The following ZFX variants were observed in gnomAD, a reference collection of about 807,000 sequenced individuals.
ZFX encodes the protein zinc finger protein X-linked.
For missense variants in ZFX, 362 were observed against 628.3 expected, an observed-to-expected ratio of 0.58 and a Z score of 4.53; for synonymous variants, 196 against 226.8, an observed-to-expected ratio of 0.86 and a Z score of 1.22.
chrX:24,193,773 TTTAA>T (rs1292729754), intron 5 of ZFX, among the ~76,000 whole-genome samples: 1 of 112,037 alleles, frequency 8.9e-6, no homozygotes, highest in Non-Finnish European at 1.9e-5. Context: ...GGCAAAAGCT[TTTAA>T]TTTAGTTTTT....
Position 24,208,888 on chromosome X carries a change from A to G in ZFX, c.1094-12A>G, listed in dbSNP as rs753633765. The G allele has an allele frequency of 1.7e-6, 2 of 1,207,333 alleles. No individual in the cohort carries two copies. The highest frequency in any genetic ancestry group is 2.2e-6 in the Non-Finnish European group (2 of 893,326). On this transcript the variant is annotated splice_polypyrimidine_tract_variant and intron_variant, in intron 8 of 9. Coordinates refer to ENST00000304543, the MANE Select transcript of ZFX (RefSeq NM_003410.4). ...ATACTGTATAATTTTGTTTTTTAAT[A>G]CACATTGTTAGGTAATAATTCTGAT...
chrX:24,176,154 C>T (rs1291752690), intron 4 of ZFX, among the ~76,000 whole-genome samples: 1 of 107,615 alleles, frequency 9.3e-6, no homozygotes. Context: ...ATTCTCCTGC[C>T]TCAGCCTCCT....
At chrX:24,196,516 A>G (rs1046561568) in intron 5 of ZFX, among the ~76,000 whole-genome samples, 6 of 112,727 alleles carry the variant, frequency 5.3e-5, no homozygotes, top group African/African-American at 1.9e-4. Flanking sequence ...CAGCATAACC[A>G]TTGATCACTT....
chrX:24,156,312 C>T (rs1437223220), intron 3 of ZFX, among the ~76,000 whole-genome samples: 1 of 111,847 alleles, frequency 8.9e-6, no homozygotes, highest in Non-Finnish European at 1.9e-5. Context: ...TTATGTAGGA[C>T]TTCATAATAT....
chrX:24,171,131 A>G (rs1015054745), intron 3 of ZFX, among the ~76,000 whole-genome samples: 3 of 111,848 alleles, frequency 2.7e-5, no homozygotes, highest in African/African-American at 9.8e-5. Context: ...AGACATATAT[A>G]AATAATCATA....
At chrX:24,169,744 A>G (rs763784918) in intron 3 of ZFX, among the ~76,000 whole-genome samples, 4 of 110,967 alleles carry the variant, frequency 3.6e-5, no homozygotes, top group African/African-American at 1.3e-4. Context: ...TCTGTTGGAC[A>G]TGTTAGGATG....
chrX:24,196,273 C>T (rs1023883378), intron 5 of ZFX, among the ~76,000 whole-genome samples: 2 of 111,103 alleles, frequency 1.8e-5, no homozygotes, highest in Non-Finnish European at 3.8e-5. Flanking sequence ...CCAACACGCC[C>T]GGCTAATTTT....
upstream of ZFX, chrX:24,149,530 G>A (rs1027929810): frequency 9.0e-6 from 1 of 111,219 alleles, no homozygotes; most frequent in Non-Finnish European, 1.9e-5. Context: ...GAGCGGCGCC[G>A]ACACGGGGTG....
intron 3 of ZFX, among the ~76,000 whole-genome samples, chrX:24,160,607 C>T (rs1256472878): frequency 3.6e-5 from 4 of 111,274 alleles, no homozygotes; most frequent in African/African-American, 6.5e-5. Context: ...CCGAAATACA[C>T]GTATTTATGG....
intron 3 of ZFX, among the ~76,000 whole-genome samples, chrX:24,153,615 G>A (rs1318775499): frequency 8.9e-6 from 1 of 111,864 alleles, no homozygotes; most frequent in East Asian, 2.8e-4. Context: ...CATGTTAACA[G>A]GTGTGTTATA....
chrX:24,210,123 T>A, intron 9 of ZFX, 70 bp from the exon 10 acceptor site: 1 of 1,193,466 alleles, frequency 8.4e-7, no homozygotes, highest in Non-Finnish European at 1.1e-6. Flanking sequence ...GAACCCACAC[T>A]TTATATTCGC....
rs769619359 is a variant in ZFX, at chrX:24,179,950, G to A, written c.646+180G>A. Among the ~76,000 whole-genome samples the A allele has an allele frequency of 1.3e-4, 14 of 111,740 alleles. No individual in the cohort carries two copies. In the South Asian group the frequency reaches 3.4e-3, roughly 27 times the overall value. On this transcript the variant is annotated intron_variant, in intron 5 of 9. Transcript: ENST00000304543. ...ACTGAAAATTAAGAAAAGTGAGGCC[G>A]GGTGTGGTGGCTCATGCCTGTAGTC...
intron 5 of ZFX, among the ~76,000 whole-genome samples, chrX:24,189,789 A>G (rs1936414400): frequency 9.0e-6 from 1 of 111,691 alleles, no homozygotes; most frequent in Admixed American, 9.5e-5. Context: ...ACACATCCTA[A>G]TAGTTTATTG....
At position 24,150,052 on chromosome X, in the gene ZFX, C is replaced by T. The variant is rs1244036964; in HGVS notation, c.-250+258C>T. On this transcript the variant is annotated intron_variant, in intron 1 of 9. Coordinates refer to ENST00000304543, the MANE Select transcript of ZFX (RefSeq NM_003410.4). Reference sequence around the variant, plus strand: ...GTTGTGCCGGAGGCGGTCGAGGGGCCCCGGGTCGGCTCCGCGGCCGACCTG... The same window carrying T: ...GTTGTGCCGGAGGCGGTCGAGGGGCTCCGGGTCGGCTCCGCGGCCGACCTG... 2.8e-5 allele frequency: 3 copies of T among 106,574 alleles called. No individual in the cohort carries two copies. In the East Asian group the frequency reaches 9.2e-4, roughly 33 times the overall value. The allele number at this position is 106,574 out of a possible 1,213,427, so 8.8% of individuals were successfully genotyped here.
chrX:24,181,786 A>G (rs1935708462), intron 5 of ZFX, among the ~76,000 whole-genome samples: 1 of 111,364 alleles, frequency 9.0e-6, no homozygotes, highest in Non-Finnish European at 1.9e-5. Context: ...ACAGAGTATT[A>G]TTTTTCTTTT....
chrX:24,157,367 C>A (rs1431976219), intron 3 of ZFX, among the ~76,000 whole-genome samples: 3 of 111,877 alleles, frequency 2.7e-5, no homozygotes, highest in African/African-American at 9.8e-5. Flanking sequence ...TTCTGAGGTA[C>A]ACTTTTCCCC....
chrX:24,200,095 G>A (rs1218615121), intron 5 of ZFX, among the ~76,000 whole-genome samples: 1 of 110,805 alleles, frequency 9.0e-6, no homozygotes, highest in Admixed American at 9.7e-5. Flanking sequence ...TGGTTTGTGG[G>A]AACAGGCTGA....
At chrX:24,206,545 G>A (rs1378736654) in intron 5 of ZFX, among the ~76,000 whole-genome samples, 38 of 83,365 alleles carry the variant, frequency 4.6e-4, no homozygotes, top group African/African-American at 1.7e-3. Flanking sequence ...GTGTGTGTGT[G>A]TGTGTATTTT....
intron 5 of ZFX, among the ~76,000 whole-genome samples, chrX:24,183,722 C>T (rs1464744115): frequency 9.2e-6 from 1 of 108,951 alleles, no homozygotes; most frequent in Non-Finnish European, 1.9e-5. Context: ...GTATATGAAA[C>T]ACAGATAATT....
Sources: allele counts gnomAD v4.1 joint callset (sites outside exome capture counted in the v4.1 genomes callset), GRCh38; gene constraint gnomAD v4.1.1; transcripts MANE v1.5; gene names NCBI Gene and HGNC (gene_info 2026-07-23, HGNC 2026-07-21).